The following CNTRL variants were observed in gnomAD, a reference collection of about 807,000 sequenced individuals.
CNTRL encodes the protein centriolin, also known as 110 kDa centrosomal protein.
CNTRL carries 233 observed loss-of-function variants against 303.7 expected under a neutral mutation model. That is an observed-to-expected ratio of 0.77 (90% CI 0.69 to 0.86). CNTRL has a LOEUF of 0.86. Ranked by LOEUF, CNTRL falls within the 40% of genes least tolerant of loss-of-function variation. The pLI, the probability that CNTRL is intolerant of heterozygous loss-of-function variation, is 0.00. For missense variants in CNTRL, 2,524 were observed against 2,650.6 expected (o/e 0.95, Z 1.05); for synonymous variants, 900 against 922.2 (o/e 0.98, Z 0.44).
Position 121,167,485 on chromosome 9 carries a change from A to G in CNTRL, c.5656-4A>G. Reference sequence around the variant, plus strand: ...GTAGTTTCCACTTGTTCTTTCACCTAAAGGACCTGCTTCACACCACCAAGC... The same window carrying G: ...GTAGTTTCCACTTGTTCTTTCACCTGAAGGACCTGCTTCACACCACCAAGC... On this transcript the variant is annotated splice_region_variant and splice_polypyrimidine_tract_variant and intron_variant, in intron 36 of 43. Coordinates refer to ENST00000373855, the MANE Select transcript of CNTRL (RefSeq NM_007018.6). 1.2e-6 allele frequency: 2 copies of G among 1,610,262 alleles called. No homozygotes were observed. Among genetic ancestry groups the G allele is most frequent in the Non-Finnish European group, 1.7e-6 (2 of 1,178,474 alleles).
rs540116650 is a variant in CNTRL, at chr9:121,123,068, C to A, written c.1651-863C>A. On this transcript the variant is annotated intron_variant, in intron 12 of 43. Transcript: ENST00000373855. ...CATACCTCTATTTTCTTCTAAGAAA[C>A]CTTTTTTAAAAAGTAGATTTAATTT... Among the ~76,000 whole-genome samples, 8 of 152,132 alleles carry A rather than the reference C, an allele frequency of 5.3e-5. No homozygotes were observed. In the East Asian group the frequency reaches 1.2e-3, roughly 22 times the overall value.
rs370494155 is a variant in CNTRL, at chr9:121,157,631, A to C, written c.4496+31A>C. On this transcript the variant is annotated intron_variant, in intron 28 of 43. Coordinates refer to ENST00000373855, the MANE Select transcript of CNTRL (RefSeq NM_007018.6). ...TGGATTCCCTAAGCCGTTGATGTAT[A>C]CATTGAGATGAATGAAAAGTTTGCT... 3.1e-6 allele frequency: 5 copies of C among 1,607,240 alleles called. No individual in the cohort carries two copies. In the African/African-American group the frequency reaches 5.4e-5, roughly 17 times the overall value.
rs752947261 is a variant in CNTRL, at chr9:121,154,789, A to G, written c.4241A>G (p.His1414Arg). The G allele has an allele frequency of 2.5e-6, 4 of 1,612,052 alleles. No individual in the cohort carries two copies. The highest frequency in any genetic ancestry group is 3.4e-6 in the Non-Finnish European group (4 of 1,178,080). ...ELEIEKSLKH[H>R]EDIVDEIECI... ...GAAATAGAAAAATCACTCAAACATC[A>G]TGAAGATATTGTAGATGAAATTGAG... is the stretch of plus-strand genomic sequence containing the variant. Residue 1414 changes from histidine (H) to arginine (R), a missense_variant, in exon 27 of 44, where the codon CAT becomes CGT. His to Arg is a conservative substitution (Grantham distance 29). Transcript: ENST00000373855.
chr9:121,174,975 C>A, intron 42 of CNTRL, 43 bp from the exon 43 acceptor site: 1 of 1,565,144 alleles, frequency 6.4e-7, no homozygotes, highest in Non-Finnish European at 8.8e-7. Context: ...AGTTCTGGTA[C>A]ATTTCTTCTG....
At chr9:121,114,142 G>A (rs553142225) in intron 10 of CNTRL, among the ~76,000 whole-genome samples, 6 of 152,370 alleles carry the variant, frequency 3.9e-5, no homozygotes, top group Middle Eastern at 3.4e-3. Context: ...CTGGGCCGAA[G>A]GCTAGCCTCT....
At position 121,168,141 on chromosome 9, in the gene CNTRL, T is replaced by G; in HGVS notation, c.5890T>G (p.Leu1964Val). 1 of 1,613,748 alleles carries G rather than the reference T, an allele frequency of 6.2e-7. No individual in the cohort carries two copies. Among genetic ancestry groups the G allele is most frequent in the Non-Finnish European group, 8.5e-7 (1 of 1,179,956 alleles). ...AGAGAGAGAAAGTGAAGAAAGCAAATTAGAAACCAGTAAAGTGACACTGAA... is the reference window on the plus strand; with the variant it reads ...AGAGAGAGAAAGTGAAGAAAGCAAAGTAGAAACCAGTAAAGTGACACTGAA... ...QKERESEESK[L>V]ETSKVTLKEQ... is the part of the protein sequence containing the mutation. The change falls in exon 38 of 44, where the codon TTA becomes GTA. Residue 1964 changes from leucine (L) to valine (V), a missense_variant. Coordinates refer to ENST00000373855, the MANE Select transcript of CNTRL (RefSeq NM_007018.6).
intron 39 of CNTRL, among the ~76,000 whole-genome samples, chr9:121,170,512 G>T (rs1002343146): frequency 2.6e-5 from 4 of 151,978 alleles, no homozygotes; most frequent in Non-Finnish European, 5.9e-5. Flanking sequence ...CTGGAGTGCA[G>T]TGGCATGATC....
rs376431939 is a variant in CNTRL, at chr9:121,142,126, C to A, written c.2727C>A (p.Ile909=). Residue 909 remains isoleucine, a synonymous_variant, in exon 19 of 44, where the codon ATC becomes ATA. Coordinates refer to ENST00000373855, the MANE Select transcript of CNTRL (RefSeq NM_007018.6). ...NFDKRQHEAR[I]QQMENEIHYL... ...ATAAGAGGCAACATGAAGCAAGAAT[C>A]CAGCAAATGGAGAATGAAATTCACT... 8 of 1,603,674 alleles carry A rather than the reference C, an allele frequency of 5.0e-6. No individual in the cohort carries two copies. Among genetic ancestry groups the A allele is most frequent in the Non-Finnish European group, 6.8e-6 (8 of 1,175,874 alleles).
intron 14 of CNTRL, among the ~76,000 whole-genome samples, chr9:121,130,552 T>C (rs1425927366): frequency 2.0e-5 from 3 of 152,186 alleles, no homozygotes; most frequent in Non-Finnish European, 4.4e-5. Context: ...TAGCGGTCTA[T>C]CTATTTTGTT....
Position 121,177,200 on chromosome 9 carries a change from G to C in CNTRL, c.*14G>C, listed in dbSNP as rs2053563398. ...TCAGCCAGATGAGGAATACTGTCTTGTGTAAATATATTCAAGGAAAACACC... is the reference window on the plus strand; with the variant it reads ...TCAGCCAGATGAGGAATACTGTCTTCTGTAAATATATTCAAGGAAAACACC... On this transcript the variant is annotated 3_prime_UTR_variant, in exon 44 of 44. Coordinates refer to ENST00000373855, the MANE Select transcript of CNTRL (RefSeq NM_007018.6). 6.2e-7 allele frequency: 1 copy of C among 1,603,922 alleles called. No individual in the cohort carries two copies. Among genetic ancestry groups the C allele is most frequent in the Admixed American group, 1.7e-5 (1 of 59,148 alleles).
chr9:121,177,057 G>A (rs2053556695), intron 43 of CNTRL, 106 bp from the exon 44 acceptor site: 2 of 792,744 alleles, frequency 2.5e-6, no homozygotes, highest in Non-Finnish European at 4.1e-6. Context: ...TTCCAAAGAG[G>A]TACTCAAATA....
In CNTRL at chr9:121,152,605, A is replaced by C; in HGVS notation, c.4084A>C (p.Asn1362His). ...SEKEMEELHH[N>H]IDDLLQEKKS... ...GAAAGAAATGGAAGAACTGCATCAT[A>C]ATATTGATGATCTTTTGCAAGAGAA... Residue 1362 changes from asparagine (N) to histidine (H), a missense_variant, in exon 26 of 44, where the codon AAT becomes CAT. Asn to His is a moderately conservative substitution (Grantham distance 68). Coordinates refer to ENST00000373855, the MANE Select transcript of CNTRL (RefSeq NM_007018.6). 6.2e-7 allele frequency: 1 copy of C among 1,613,450 alleles called. No homozygotes were observed. Among genetic ancestry groups the C allele is most frequent in the African/African-American group, 1.3e-5 (1 of 75,032 alleles).
At chr9:121,081,374 C>A (rs2132049621) in intron 2 of CNTRL, among the ~76,000 whole-genome samples, 1 of 152,324 alleles carries the variant, frequency 6.6e-6, no homozygotes, top group Middle Eastern at 3.4e-3. Context: ...TCAGTGGACA[C>A]CAGCTGCATG....
intron 14 of CNTRL, among the ~76,000 whole-genome samples, chr9:121,135,414 C>T (rs1033605573): frequency 4.6e-5 from 7 of 152,220 alleles, no homozygotes; most frequent in Non-Finnish European, 8.8e-5. Flanking sequence ...TTGCCTTATA[C>T]AGTTATTGTG....
chr9:121,164,808 G>C (rs2053018861), intron 34 of CNTRL, 135 bp from the exon 35 acceptor site: 1 of 557,328 alleles, frequency 1.8e-6, no homozygotes, highest in Admixed American at 4.4e-5. Context: ...AAAATGAGTT[G>C]AGTCTTAAAT....
At chr9:121,118,258 A>G (rs2050071616) in intron 11 of CNTRL, 88 bp from the exon 12 acceptor site, 2 of 1,062,438 alleles carry the variant, frequency 1.9e-6, no homozygotes, top group Non-Finnish European at 2.6e-6. Flanking sequence ...GATAGAATAT[A>G]GAATACTTAT....
At chr9:121,106,800 A>G (rs78452818) in intron 7 of CNTRL, among the ~76,000 whole-genome samples, 2,895 of 152,256 alleles carry the variant, frequency 0.019, 94 homozygotes, top group African/African-American at 0.066. Context: ...CCCTAACTCA[A>G]TATTTATTAT....
At chr9:121,094,440 G>A (rs1443551498) in intron 4 of CNTRL, among the ~76,000 whole-genome samples, 1 of 152,160 alleles carries the variant, frequency 6.6e-6, no homozygotes, top group Non-Finnish European at 1.5e-5. Context: ...ATTCATTCCT[G>A]AGGGCAGAAC....
Position 121,089,437 on chromosome 9 carries a change from G to C in CNTRL, c.218-838G>C, listed in dbSNP as rs111657481. ...GAACCAAGAGGTGATTTACTTTTTA[G>C]GGCTACTTTTGTAAAATGTAATGTG... On this transcript the variant is annotated intron_variant, in intron 3 of 43. Transcript: ENST00000373855. Among the ~76,000 whole-genome samples, 104 of 152,172 alleles carry C rather than the reference G, an allele frequency of 6.8e-4. 1 individual carries two copies. Among genetic ancestry groups the C allele is most frequent in the African/African-American group, 1.5e-3 (63 of 41,508 alleles).
Sources: gnomAD v4.1 joint callset for allele counts (sites outside exome capture counted in the v4.1 genomes callset) on GRCh38, gnomAD v4.1.1 for gene constraint, MANE v1.5 for transcripts, NCBI Gene and HGNC (gene_info 2026-07-23, HGNC 2026-07-21) for gene names.